Variants in CELF4 observed in about 807,000 individuals in gnomAD.
CELF4 encodes the protein CUGBP Elav-like family member 4, also known as CUG-BP- and ETR-3-like factor 4.
A neutral mutation model predicts 59.9 loss-of-function variants in CELF4; 18 were observed. That is an observed-to-expected ratio of 0.30 (90% confidence interval 0.21 to 0.45). The LOEUF is 0.45. Among genes scored for constraint, CELF4 ranks in the 20% least tolerant of loss-of-function variants. The pLI is 1.00. For missense variants in CELF4, 456 were observed against 689.0 expected (o/e 0.66, Z 3.79); for synonymous variants, 261 against 267.1 (o/e 0.98, Z 0.22).
At chr18:37,360,383 T>C (rs1300538350) in intron 2 of CELF4, among the ~76,000 whole-genome samples, 1 of 152,214 alleles carries the variant, frequency 6.6e-6, no homozygotes, top group Non-Finnish European at 1.5e-5. Flanking sequence ...GGAACCAGCC[T>C]GCTGAGCACA....
At chr18:37,293,914 G>A (rs979641249) in intron 3 of CELF4, among the ~76,000 whole-genome samples, 19 of 152,110 alleles carry the variant, frequency 1.2e-4, no homozygotes, top group African/African-American at 3.9e-4. Context: ...AAACATATGG[G>A]GGTCAGGGAG....
At chr18:37,281,803 C>T (rs1182971686) in intron 3 of CELF4, among the ~76,000 whole-genome samples, 1 of 151,578 alleles carries the variant, frequency 6.6e-6, no homozygotes, top group Non-Finnish European at 1.5e-5. Flanking sequence ...CATGCAGTGG[C>T]CCCCCCAGGG....
At chr18:37,367,348 G>A (rs2098798013) in intron 2 of CELF4, among the ~76,000 whole-genome samples, 1 of 152,046 alleles carries the variant, frequency 6.6e-6, no homozygotes, top group South Asian at 2.1e-4. Context: ...GTGGGGAGAT[G>A]TCACTGGAGA....
intron 2 of CELF4, among the ~76,000 whole-genome samples, chr18:37,460,880 G>A (rs997572524): frequency 1.4e-4 from 22 of 152,216 alleles, no homozygotes; most frequent in Admixed American, 1.2e-3. Context: ...GATGTGGGAG[G>A]TGGGTCTCTT....
At chr18:37,358,158 C>A (rs1235450138) in intron 2 of CELF4, among the ~76,000 whole-genome samples, 1 of 152,040 alleles carries the variant, frequency 6.6e-6, no homozygotes, top group Non-Finnish European at 1.5e-5. Context: ...TTGGCTGTGT[C>A]CCCACCCAAA....
At chr18:37,480,224 C>G (rs1211490876) in intron 2 of CELF4, among the ~76,000 whole-genome samples, 1 of 151,600 alleles carries the variant, frequency 6.6e-6, no homozygotes. Flanking sequence ...GAGATGATCT[C>G]TGCAGAGAAA....
intron 2 of CELF4, among the ~76,000 whole-genome samples, chr18:37,372,634 TA>T (rs947485043): frequency 6.6e-6 from 1 of 151,802 alleles, no homozygotes; most frequent in East Asian, 1.9e-4. Context: ...AGTATAATAA[TA>T]AAAAAACAAG....
intron 2 of CELF4, 41 bp from the exon 3 acceptor site, chr18:37,321,922 C>T (rs748690544): frequency 1.2e-5 from 18 of 1,542,174 alleles, no homozygotes; most frequent in East Asian, 1.1e-4. Flanking sequence ...AGCAGGCCTG[C>T]GGGTGAGGGG....
At chr18:37,390,016 C>T (rs535040362) in intron 2 of CELF4, among the ~76,000 whole-genome samples, 2 of 152,308 alleles carry the variant, frequency 1.3e-5, no homozygotes, top group East Asian at 1.9e-4. Flanking sequence ...GGGTTTGGGG[C>T]CTCAGCCTGT....
At chr18:37,474,096 T>C (rs1452815164) in intron 2 of CELF4, 2 of 152,222 alleles carry the variant, frequency 1.3e-5, no homozygotes, top group Non-Finnish European at 2.9e-5. Flanking sequence ...TGCTGTTGCA[T>C]GGTTATGTTG....
intron 3 of CELF4, among the ~76,000 whole-genome samples, chr18:37,300,745 C>G (rs2095972991): frequency 6.6e-6 from 1 of 152,186 alleles, no homozygotes. Flanking sequence ...TAAAATAAAA[C>G]AAGGAAGCAG....
At chr18:37,425,395 G>A (rs2099605533) in intron 2 of CELF4, among the ~76,000 whole-genome samples, 1 of 152,258 alleles carries the variant, frequency 6.6e-6, no homozygotes, top group South Asian at 2.1e-4. Flanking sequence ...CAGACAGGAA[G>A]CCAGCTGCAG....
intron 3 of CELF4, among the ~76,000 whole-genome samples, chr18:37,308,434 C>T (rs1026392079): frequency 1.3e-5 from 2 of 152,084 alleles, no homozygotes; most frequent in Non-Finnish European, 2.9e-5. Flanking sequence ...GAGACCCTTC[C>T]CTGACTGCTC....
intron 1 of CELF4, among the ~76,000 whole-genome samples, chr18:37,496,957 G>T (rs1367110932): frequency 6.6e-6 from 1 of 152,128 alleles, no homozygotes; most frequent in Non-Finnish European, 1.5e-5. Flanking sequence ...GAGGGGTAGG[G>T]GCTCTGGGTT....
intron 1 of CELF4, among the ~76,000 whole-genome samples, chr18:37,556,598 C>G (rs1234583600): frequency 6.6e-6 from 1 of 152,080 alleles, no homozygotes; most frequent in Non-Finnish European, 1.5e-5. Flanking sequence ...GTTGTGCCTA[C>G]CTGCATGGAA....
intron 2 of CELF4, among the ~76,000 whole-genome samples, chr18:37,426,149 C>A (rs1327268485): frequency 6.6e-6 from 1 of 152,186 alleles, no homozygotes; most frequent in Non-Finnish European, 1.5e-5. Flanking sequence ...GGACCTGCCC[C>A]CAAGCACAGG....
In CELF4 at chr18:37,253,643, T is replaced by C. The variant is rs2066986547; in HGVS notation, c.*44+124A>G. On this transcript the variant is annotated intron_variant, in intron 12 of 12. Transcript: ENST00000420428. This position sits in a 1 kb window ranked among gnomAD's most constrained non-coding sequence, Gnocchi z 4.5. Reference sequence around the variant, plus strand: ...CCCGAGGAGCAGGGCGAGGAGCAGGTTGAGCCGGGCGCAGCGGGTCCAAGG... The same window carrying C: ...CCCGAGGAGCAGGGCGAGGAGCAGGCTGAGCCGGGCGCAGCGGGTCCAAGG... The C allele has an allele frequency of 4.5e-6, 3 of 669,094 alleles. No individual in the cohort carries two copies. The highest frequency in any genetic ancestry group is 2.3e-6 in the Non-Finnish European group (1 of 433,496). 41.4% of individuals were successfully genotyped at this position (669,094 alleles called of 1,614,324 possible).
intron 1 of CELF4, among the ~76,000 whole-genome samples, chr18:37,556,933 G>A (rs1314769524): frequency 1.3e-5 from 2 of 152,170 alleles, no homozygotes; most frequent in South Asian, 4.1e-4. Flanking sequence ...TCTAGAGAGT[G>A]AGGCTCCTGT....
chr18:37,472,210 A>C (rs1296047319), intron 2 of CELF4, among the ~76,000 whole-genome samples: 1 of 152,270 alleles, frequency 6.6e-6, no homozygotes, highest in African/African-American at 2.4e-5. Context: ...CTCCTCTTCC[A>C]GCACAGCCAG....
Sources: allele counts gnomAD v4.1 joint callset (sites outside exome capture counted in the v4.1 genomes callset), GRCh38; gene constraint gnomAD v4.1.1; non-coding constraint Gnocchi (gnomAD v3.1); transcripts MANE v1.5; gene names NCBI Gene and HGNC (gene_info 2026-07-23, HGNC 2026-07-21).